The following CNTN4 variants were observed in gnomAD, a reference collection of about 807,000 sequenced individuals.
The protein encoded by CNTN4 is contactin-4.
In CNTN4, 77 loss-of-function variants were observed where a neutral mutation model predicts 122.5. The ratio of observed to expected loss-of-function variants is 0.63; its 90% confidence interval spans 0.52 to 0.76. CNTN4 has a LOEUF of 0.76. Ranked by LOEUF, CNTN4 falls within the 30% of genes least tolerant of loss-of-function variation. The pLI, the probability that CNTN4 is intolerant of heterozygous loss-of-function variation, is 0.00. For synonymous variants in CNTN4, 512 were observed against 447.0 expected, an observed-to-expected ratio of 1.15 and a Z score of -1.83; for missense variants, 1,256 against 1,259.1, an observed-to-expected ratio of 1.00 and a Z score of 0.04.
In CNTN4 at chr3:2,745,547, G is replaced by C; in HGVS notation, c.208G>C (p.Asp70His). 1 of 1,614,062 alleles carries C rather than the reference G, an allele frequency of 6.2e-7. No homozygotes were observed. Among genetic ancestry groups the C allele is most frequent in the Non-Finnish European group, 8.5e-7 (1 of 1,179,938 alleles). Reference sequence around the variant, plus strand: ...GTGGAAGTTAAATGGAACAGATGTTGACACTGGTATGGATTTCCGCTACAG... The same window carrying C: ...GTGGAAGTTAAATGGAACAGATGTTCACACTGGTATGGATTTCCGCTACAG... Reference protein sequence around the residue: ...IRWKLNGTDVDTGMDFRYSVV... With the variant: ...IRWKLNGTDVHTGMDFRYSVV... The change falls in exon 6 of 25, where the codon GAC (aspartate) becomes CAC (histidine). Residue 70 changes from aspartate to histidine, a missense_variant. Physicochemically the swap from Asp to His is moderately conservative, Grantham distance 81. Transcript: ENST00000418658.
At chr3:2,922,352 G>C (rs1243846123) in intron 12 of CNTN4, among the ~76,000 whole-genome samples, 1 of 152,166 alleles carries the variant, frequency 6.6e-6, no homozygotes, top group Admixed American at 6.5e-5. Context: ...GTCAGTGTTT[G>C]AGGATGAGAA....
At chr3:2,317,737 TG>T (rs1379248349) in intron 2 of CNTN4, among the ~76,000 whole-genome samples, 1 of 152,188 alleles carries the variant, frequency 6.6e-6, no homozygotes, top group Non-Finnish European at 1.5e-5. Flanking sequence ...TGGTACAGTT[TG>T]TAAAATGCTA....
intron 3 of CNTN4, among the ~76,000 whole-genome samples, chr3:2,367,489 T>A (rs2150605080): frequency 6.6e-6 from 1 of 152,304 alleles, no homozygotes; most frequent in Non-Finnish European, 1.5e-5. Context: ...TTTCTACTGA[T>A]GGAAAAATGT....
At chr3:2,120,396 TATATATATA>T (rs1327777747) in intron 2 of CNTN4, among the ~76,000 whole-genome samples, 12 of 30,934 alleles carry the variant, frequency 3.9e-4, no homozygotes, top group Admixed American at 3.5e-3. Context: ...TATATATATA[TATATATATA>T]TTTTTTTTTT....
At chr3:2,592,930 A>G (rs2080569079) in intron 4 of CNTN4, among the ~76,000 whole-genome samples, 1 of 152,194 alleles carries the variant, frequency 6.6e-6, no homozygotes, top group South Asian at 2.1e-4. Flanking sequence ...TTTTTGTATT[A>G]TATTGTACTG....
At chr3:2,521,343 T>TTCCCCCCCCCCCCCCCCCCCC (rs1553678455) in intron 3 of CNTN4, among the ~76,000 whole-genome samples, 1 of 128,310 alleles carries the variant, frequency 7.8e-6, no homozygotes, top group African/African-American at 3.1e-5. Flanking sequence ...CCTCTACCCA[T>TTCCCCCCCCCCCCCCCCCCCC]CCCCCCCACC....
intron 2 of CNTN4, among the ~76,000 whole-genome samples, chr3:2,251,558 T>G (rs543547515): frequency 9.2e-5 from 14 of 152,010 alleles, no homozygotes; most frequent in Admixed American, 1.3e-4. Context: ...GAATTTGACT[T>G]TCCCTTCACT....
chr3:2,106,467 A>G (rs567807966), intron 2 of CNTN4, among the ~76,000 whole-genome samples: 1 of 152,328 alleles, frequency 6.6e-6, no homozygotes, highest in South Asian at 2.1e-4. Context: ...GCACACCCAC[A>G]GGACGAACAC....
intron 3 of CNTN4, among the ~76,000 whole-genome samples, chr3:2,380,930 G>A (rs191380062): frequency 1.1e-3 from 174 of 151,978 alleles, no homozygotes; most frequent in African/African-American, 3.5e-3. Context: ...ATTCAACACT[G>A]TTATTTTCTA....
intron 4 of CNTN4, among the ~76,000 whole-genome samples, chr3:2,582,441 T>A (rs2079986237): frequency 6.6e-6 from 1 of 151,922 alleles, no homozygotes; most frequent in African/African-American, 2.4e-5. Context: ...GCTTCCCTGT[T>A]GTGTGTTTTA....
chr3:2,931,608 G>A (rs7349517), intron 13 of CNTN4, among the ~76,000 whole-genome samples: 22,172 of 152,088 alleles, frequency 0.15, 1,759 homozygotes, highest in Non-Finnish European at 0.17. Context: ...CACATACTAT[G>A]TATTAACTTT....
intron 2 of CNTN4, among the ~76,000 whole-genome samples, chr3:2,259,331 A>G (rs2040727247): frequency 6.6e-6 from 1 of 152,192 alleles, no homozygotes; most frequent in African/African-American, 2.4e-5. Context: ...ATGTTTTATG[A>G]AGAGCTTTTC....
At chr3:2,610,274 A>G (rs1232305287) in intron 4 of CNTN4, among the ~76,000 whole-genome samples, 1 of 152,200 alleles carries the variant, frequency 6.6e-6, no homozygotes, top group Non-Finnish European at 1.5e-5. Flanking sequence ...AAAACTCAAA[A>G]TGTGTAAGAG....
chr3:2,335,189 TCCTG>T (rs1575402401), intron 2 of CNTN4, among the ~76,000 whole-genome samples: 2 of 152,180 alleles, frequency 1.3e-5, no homozygotes, highest in East Asian at 3.9e-4. Context: ...TGTATTAATT[TCCTG>T]CCTATTTTCA....
Position 2,134,845 on chromosome 3 carries a change from A to G in CNTN4, c.-145+34206A>G, listed in dbSNP as rs1001238431. On this transcript the variant is annotated intron_variant, in intron 2 of 24. Coordinates refer to ENST00000418658, the MANE Select transcript of CNTN4 (RefSeq NM_175607.3). Reference sequence around the variant, plus strand: ...GCTTTTTGTCCTCTTTTGATCTCCAATTGATTGGGTGAGGACCTCCCACAT... The same window carrying G: ...GCTTTTTGTCCTCTTTTGATCTCCAGTTGATTGGGTGAGGACCTCCCACAT... Among the ~76,000 whole-genome samples, 5 of 152,166 alleles carry G rather than the reference A, an allele frequency of 3.3e-5. 1 individual carries two copies. The highest frequency in any genetic ancestry group is 2.0e-4 in the Admixed American group (3 of 15,276).
chr3:2,862,576 C>T (rs2093682539), intron 7 of CNTN4, among the ~76,000 whole-genome samples: 1 of 152,146 alleles, frequency 6.6e-6, no homozygotes, highest in Admixed American at 6.6e-5. Context: ...TATCTGTTTA[C>T]TCAGTTGTTA....
At chr3:2,778,694 T>C (rs984978201) in intron 6 of CNTN4, among the ~76,000 whole-genome samples, 2 of 152,224 alleles carry the variant, frequency 1.3e-5, no homozygotes, top group African/African-American at 4.8e-5. Flanking sequence ...ATCCAACTTA[T>C]TATAATGCAT....
intron 2 of CNTN4, among the ~76,000 whole-genome samples, chr3:2,185,213 A>G (rs1422216180): frequency 2.0e-5 from 3 of 152,232 alleles, no homozygotes; most frequent in South Asian, 4.2e-4. Flanking sequence ...CAAATGACTC[A>G]TCCATTCTCT....
At chr3:2,743,892 C>T (rs2089605269) in intron 5 of CNTN4, among the ~76,000 whole-genome samples, 1 of 152,228 alleles carries the variant, frequency 6.6e-6, no homozygotes, top group South Asian at 2.1e-4. Flanking sequence ...CTCGCTGCAG[C>T]CTCAATCTCC....
Sources: gnomAD v4.1 joint callset for allele counts (sites outside exome capture counted in the v4.1 genomes callset) on GRCh38, gnomAD v4.1.1 for gene constraint, MANE v1.5 for transcripts, NCBI Gene and HGNC (gene_info 2026-07-23, HGNC 2026-07-21) for gene names.